The following SCRG1 variants were observed in gnomAD, a reference collection of about 807,000 sequenced individuals.
SCRG1 encodes scrapie-responsive protein 1.
Under a neutral mutation model 7.7 loss-of-function variants are expected in SCRG1, and 3 were observed. The ratio of observed to expected loss-of-function variants is 0.39; its 90% CI spans 0.18 to 1.01. The LOEUF (loss-of-function observed/expected upper bound fraction) is 1.01. SCRG1 is among the 50% of genes least tolerant of loss of function. The pLI is 0.36. For missense variants in SCRG1, 110 were observed against 117.2 expected (o/e 0.94, Z 0.28); for synonymous variants, 46 against 41.2 (o/e 1.12, Z -0.44).
At chr4:173,442,728 CTG>C in the SCRG1 span, among the ~76,000 whole-genome samples, 4 of 152,284 alleles carry the variant, frequency 2.6e-5, no homozygotes, top group Non-Finnish European at 5.9e-5. Flanking sequence ...GGCCTTCTTG[CTG>C]TGTCATATCA....
At chr4:173,433,659 G>A in the SCRG1 span, among the ~76,000 whole-genome samples, 1 of 152,218 alleles carries the variant, frequency 6.6e-6, no homozygotes, top group Non-Finnish European at 1.5e-5. Flanking sequence ...GTTTCTAGGT[G>A]TCACCCTATC....
chr4:173,385,248 C>A lies in SCRG1; in HGVS notation c.*3093G>T, dbSNP rs1335017414. ...CTTTGGGAGGCCAAGGCAGGCAGATCATTTGAGGCCAGGAGTTGGAGACCA... is the reference window on the plus strand; with the variant it reads ...CTTTGGGAGGCCAAGGCAGGCAGATAATTTGAGGCCAGGAGTTGGAGACCA... On this transcript the variant is annotated 3_prime_UTR_variant, in exon 3 of 3. Coordinates refer to ENST00000296506, the MANE Select transcript of SCRG1 (RefSeq NM_007281.4). 1 of 152,128 alleles carries A rather than the reference C, an allele frequency of 6.6e-6. No homozygotes were observed. The highest frequency in any genetic ancestry group is 6.6e-5 in the Admixed American group (1 of 15,264). 9.4% of individuals were successfully genotyped at this position (152,128 alleles called of 1,614,324 possible). A position where few individuals can be genotyped will look rare whatever the true frequency, so the allele number is the denominator to read the frequency against.
chr4:173,431,306 C>T, the SCRG1 span, among the ~76,000 whole-genome samples: 1 of 152,036 alleles, frequency 6.6e-6, no homozygotes, highest in African/African-American at 2.4e-5. Context: ...GACTGTGGAC[C>T]AGCGGGCAAA....
the SCRG1 span, among the ~76,000 whole-genome samples, chr4:173,486,415 A>T: frequency 2.0e-5 from 3 of 152,154 alleles, no homozygotes; most frequent in Non-Finnish European, 2.9e-5. Flanking sequence ...CATGTATCGT[A>T]GGCTTTCTTG....
chr4:173,476,721 T>C, the SCRG1 span, among the ~76,000 whole-genome samples: 1 of 152,222 alleles, frequency 6.6e-6, no homozygotes, highest in East Asian at 1.9e-4. Flanking sequence ...CTCAGGAGGC[T>C]GAGATAGGAG....
chr4:173,436,820 T>G, the SCRG1 span, among the ~76,000 whole-genome samples: 1 of 152,100 alleles, frequency 6.6e-6, no homozygotes, highest in Non-Finnish European at 1.5e-5. Flanking sequence ...GTGTAGACAC[T>G]ACAACTGTTT....
At chr4:173,503,168 G>A in the SCRG1 span, among the ~76,000 whole-genome samples, 1 of 152,164 alleles carries the variant, frequency 6.6e-6, no homozygotes, top group Non-Finnish European at 1.5e-5. The surrounding 1 kb of genome is among the most constrained non-coding windows in gnomAD (Gnocchi z 6.4). Flanking sequence ...TTGACCCTGT[G>A]TCGTTCCCAC....
the SCRG1 span, among the ~76,000 whole-genome samples, chr4:173,466,984 A>G: frequency 6.6e-6 from 1 of 152,116 alleles, no homozygotes; most frequent in Non-Finnish European, 1.5e-5. Flanking sequence ...TAGTTTCTGA[A>G]TGTTATTAGT....
the SCRG1 span, among the ~76,000 whole-genome samples, chr4:173,454,075 C>CT: frequency 2.9e-5 from 2 of 68,520 alleles, no homozygotes; most frequent in Non-Finnish European, 7.2e-5. Context: ...GAGACTCCGT[C>CT]TAAAAAAAAA....
the SCRG1 span, among the ~76,000 whole-genome samples, chr4:173,485,044 T>C: frequency 1.0e-3 from 17 of 16,732 alleles, 5 homozygotes; most frequent in African/African-American, 3.2e-3. Context: ...TATTATATAT[T>C]ATATAATATA....
At chr4:173,507,916 T>C in the SCRG1 span, among the ~76,000 whole-genome samples, 1 of 152,206 alleles carries the variant, frequency 6.6e-6, no homozygotes, top group Non-Finnish European at 1.5e-5. The surrounding 1 kb of genome is among the most constrained non-coding windows in gnomAD (Gnocchi z 4.4). Flanking sequence ...CCTCCGCTGG[T>C]GGGCCTGGAA....
chr4:173,516,297 T>C, the SCRG1 span, among the ~76,000 whole-genome samples: 1 of 152,202 alleles, frequency 6.6e-6, no homozygotes, highest in African/African-American at 2.4e-5. Context: ...ATATTTACTT[T>C]TTGTCTAGGC....
chr4:173,473,580 C>T, the SCRG1 span, among the ~76,000 whole-genome samples: 1 of 151,992 alleles, frequency 6.6e-6, no homozygotes, highest in Non-Finnish European at 1.5e-5. Flanking sequence ...GTTTAAGATG[C>T]AGAGAGAAAA....
chr4:173,485,157 A>ATG, the SCRG1 span, among the ~76,000 whole-genome samples: 3 of 22,226 alleles, frequency 1.3e-4, no homozygotes, highest in African/African-American at 3.1e-4. Flanking sequence ...TGTAATATAT[A>ATG]ATATATTATA....
chr4:173,508,784 C>T, the SCRG1 span, among the ~76,000 whole-genome samples: 2 of 152,226 alleles, frequency 1.3e-5, no homozygotes, highest in Admixed American at 1.3e-4. This position sits in a 1 kb window ranked among gnomAD's most constrained non-coding sequence, Gnocchi z 4.4. Context: ...CAAGAGACCA[C>T]TCCGCATCCT....
the SCRG1 span, among the ~76,000 whole-genome samples, chr4:173,488,378 A>T: frequency 1.1e-4 from 16 of 152,168 alleles, no homozygotes; most frequent in Non-Finnish European, 1.8e-4. Flanking sequence ...GATGTTGGAC[A>T]CTATGGGCAT....
the SCRG1 span, among the ~76,000 whole-genome samples, chr4:173,507,251 C>T: frequency 1.3e-5 from 2 of 152,206 alleles, no homozygotes; most frequent in Non-Finnish European, 1.5e-5. The surrounding 1 kb of genome is among the most constrained non-coding windows in gnomAD (Gnocchi z 4.4). Flanking sequence ...GCTCTGTCGC[C>T]CAGGCTGGAA....
the SCRG1 span, among the ~76,000 whole-genome samples, chr4:173,483,196 AT>A: frequency 9.7e-6 from 1 of 102,576 alleles, no homozygotes; most frequent in Non-Finnish European, 2.0e-5. Context: ...TATATGATAT[AT>A]ATTATATGAT....
the SCRG1 span, among the ~76,000 whole-genome samples, chr4:173,511,517 G>A: frequency 1.3e-5 from 2 of 151,910 alleles, no homozygotes; most frequent in African/African-American, 2.4e-5. This position sits in a 1 kb window ranked among gnomAD's most constrained non-coding sequence, Gnocchi z 5.2. Flanking sequence ...TTAAACAAGA[G>A]GTCCCTGGAA....
Sources: gnomAD v4.1 joint callset for allele counts (sites outside exome capture counted in the v4.1 genomes callset) on GRCh38, gnomAD v4.1.1 for gene constraint, Gnocchi (gnomAD v3.1) non-coding constraint, MANE v1.5 for transcripts, NCBI Gene and HGNC (gene_info 2026-07-23, HGNC 2026-07-21) for gene names.